Variants in TNFRSF10B observed in about 807,000 individuals in gnomAD.
TNFRSF10B encodes TNF receptor superfamily member 10b.
In TNFRSF10B, 35 loss-of-function variants were observed where a neutral mutation model predicts 41.4. That is an observed-to-expected ratio of 0.85 (90% CI 0.65 to 1.12). TNFRSF10B has a LOEUF of 1.12. Ranked by LOEUF, TNFRSF10B falls within the 50% of genes most tolerant of loss-of-function variation. The pLI is 0.00. For missense variants in TNFRSF10B, 584 were observed against 552.7 expected, an observed-to-expected ratio of 1.06 and a Z score of -0.57; for synonymous variants, 230 against 215.5, an observed-to-expected ratio of 1.07 and a Z score of -0.59.
intron 1 of TNFRSF10B, among the ~76,000 whole-genome samples, chr8:23,048,883 T>G (rs1812440314): frequency 6.6e-6 from 1 of 152,176 alleles, no homozygotes; most frequent in African/African-American, 2.4e-5. Context: ...ATTACAGGCA[T>G]GAGCCACTGT....
chr8:23,050,121 T>C (rs748887562), intron 1 of TNFRSF10B, among the ~76,000 whole-genome samples: 1 of 152,216 alleles, frequency 6.6e-6, no homozygotes, highest in African/African-American at 2.4e-5. Context: ...AGGAGCCTAT[T>C]GTTTTCCCAT....
At chr8:23,025,787 A>G (rs898903364) in intron 7 of TNFRSF10B, among the ~76,000 whole-genome samples, 29 of 152,210 alleles carry the variant, frequency 1.9e-4, no homozygotes, top group Admixed American at 5.2e-4. Context: ...CTTTCAAAAA[A>G]TGATCAGGCC....
intron 1 of TNFRSF10B, among the ~76,000 whole-genome samples, chr8:23,045,309 A>G (rs1264400768): frequency 1.3e-5 from 2 of 152,176 alleles, no homozygotes; most frequent in East Asian, 3.8e-4. Flanking sequence ...ATGAACAATT[A>G]TATGCCAAAG....
At chr8:23,039,714 A>C (rs1263558003) in intron 2 of TNFRSF10B, among the ~76,000 whole-genome samples, 7 of 152,186 alleles carry the variant, frequency 4.6e-5, no homozygotes, top group Non-Finnish European at 8.8e-5. Flanking sequence ...ACATGTCCTT[A>C]AGATCGACGT....
intron 1 of TNFRSF10B, among the ~76,000 whole-genome samples, chr8:23,046,703 C>T (rs962417012): frequency 2.0e-5 from 3 of 149,342 alleles, no homozygotes; most frequent in African/African-American, 7.3e-5. Flanking sequence ...TGATTTCAAA[C>T]TATACTACAA....
At chr8:23,036,322 C>G (rs958846545) in intron 2 of TNFRSF10B, among the ~76,000 whole-genome samples, 34 of 152,140 alleles carry the variant, frequency 2.2e-4, no homozygotes, top group African/African-American at 7.7e-4. Flanking sequence ...GCCCTGAAGG[C>G]ACAAGAAAGT....
At chr8:23,040,530 G>C (rs1812162900) in intron 2 of TNFRSF10B, among the ~76,000 whole-genome samples, 1 of 148,576 alleles carries the variant, frequency 6.7e-6, no homozygotes, top group South Asian at 2.1e-4. Flanking sequence ...GAAAAGAAGT[G>C]AGTGAAAATG....
intron 1 of TNFRSF10B, chr8:23,049,994 C>T (rs1186493141): frequency 1.3e-5 from 2 of 152,280 alleles, no homozygotes; most frequent in South Asian, 2.1e-4. Context: ...GAGGTTTCCC[C>T]AGGGGACCCT....
In TNFRSF10B at chr8:23,068,992, C is replaced by A. The variant is rs762642898; in HGVS notation, c.-98G>T. 7 of 1,582,782 alleles carry A rather than the reference C, an allele frequency of 4.4e-6. No homozygotes were observed. The highest frequency in any genetic ancestry group is 4.5e-5 in the East Asian group (2 of 44,430). On this transcript the variant is annotated 5_prime_UTR_variant, in exon 1 of 9. Transcript: ENST00000276431. The stretch of plus-strand genomic sequence containing the variant: ...GTGTATTTTGTGGGCGCAGAGATTG[C>A]GGGGTTCTCCGGCCGCGTGCTGATT...
At chr8:23,029,171 A>G (rs1231585401) in intron 4 of TNFRSF10B, among the ~76,000 whole-genome samples, 1 of 152,206 alleles carries the variant, frequency 6.6e-6, no homozygotes, top group African/African-American at 2.4e-5. Flanking sequence ...AGCTCCACCC[A>G]TGGCCTTATT....
Position 23,021,600 on chromosome 8 carries a change from G to C in TNFRSF10B, c.*1071C>G. 2.2e-6 allele frequency: 1 copy of C among 454,120 alleles called. No homozygotes were observed. The highest frequency in any genetic ancestry group is 4.4e-6 in the Non-Finnish European group (1 of 226,800). The allele number at this position is 454,120 out of a possible 1,614,324, so 28.1% of individuals were successfully genotyped here. A position where few individuals can be genotyped will look rare whatever the true frequency, so the allele number is the denominator to read the frequency against. ...CTGTCCCAGCCTGTCCATAGATGGG[G>C]GCTATGGGTGCAAATGAGACTGCCC... On this transcript the variant is annotated 3_prime_UTR_variant, in exon 9 of 9. Transcript: ENST00000276431.
rs1234494630 is a variant in TNFRSF10B, at chr8:23,028,254, G to A, written c.748+77C>T. 5.9e-5 allele frequency: 94 copies of A among 1,601,382 alleles called. 1 individual carries two copies. The highest frequency in any genetic ancestry group is 4.7e-4 in the South Asian group (42 of 90,002). ...ACTTAGACTTGGGGCAGGGGCAGGC[G>A]TTTCTGTCTGTGGGAATAGGGTGGG... is the stretch of plus-strand genomic sequence containing the variant. On this transcript the variant is annotated intron_variant, in intron 5 of 8. Transcript: ENST00000276431.
rs550188243 is a variant in TNFRSF10B at position 23,030,702 on chromosome 8, C to T, written c.364+57G>A. On this transcript the variant is annotated intron_variant, in intron 3 of 8. Coordinates refer to ENST00000276431, the MANE Select transcript of TNFRSF10B (RefSeq NM_003842.5). Reference sequence around the variant, plus strand: ...TCTCCTGATCCCATTTTAGCTACAACTTTTATGTCATCACCCCGCATTCCA... The same window carrying T: ...TCTCCTGATCCCATTTTAGCTACAATTTTTATGTCATCACCCCGCATTCCA... 4.3e-6 allele frequency: 6 copies of T among 1,385,482 alleles called. No homozygotes were observed. In the South Asian group the frequency reaches 7.3e-5, roughly 17 times the overall value. The allele number at this position is 1,385,482 out of a possible 1,614,324, so 85.8% of individuals were successfully genotyped here. A position where few individuals can be genotyped will look rare whatever the true frequency, so the allele number is the denominator to read the frequency against.
Position 23,043,134 on chromosome 8 carries a change from A to T in TNFRSF10B, c.250+4T>A. The T allele has an allele frequency of 2.5e-6, 4 of 1,613,740 alleles. No individual in the cohort carries two copies. The highest frequency in any genetic ancestry group is 3.4e-6 in the Non-Finnish European group (4 of 1,179,638). On this transcript the variant is annotated splice_donor_region_variant and intron_variant, in intron 2 of 8. Transcript: ENST00000276431. ...CAAGGATTAGAGACCCATCTTGAAC[A>T]TACCAGGTGGACACAATCCCTCTGA...
At chr8:23,059,903 G>T (rs560440331) in intron 1 of TNFRSF10B, among the ~76,000 whole-genome samples, 4 of 152,184 alleles carry the variant, frequency 2.6e-5, no homozygotes, top group Non-Finnish European at 5.9e-5. Flanking sequence ...AGTGATTAAA[G>T]TATCTTTTCA....
chr8:23,021,457 G>A lies in TNFRSF10B; in HGVS notation c.*1214C>T, dbSNP rs1405626820. 2.2e-6 allele frequency: 1 copy of A among 454,100 alleles called. No homozygotes were observed. The highest frequency in any genetic ancestry group is 2.3e-5 in the Admixed American group (1 of 42,578). The allele number at this position is 454,100 out of a possible 1,614,324, so 28.1% of individuals were successfully genotyped here. Reference sequence around the variant, plus strand: ...GCACCATCTACTCTTCCCCCTTGATGCCATGGCAGACGTGGGAGACAGATT... The same window carrying A: ...GCACCATCTACTCTTCCCCCTTGATACCATGGCAGACGTGGGAGACAGATT... On this transcript the variant is annotated 3_prime_UTR_variant, in exon 9 of 9. Coordinates refer to ENST00000276431, the MANE Select transcript of TNFRSF10B (RefSeq NM_003842.5).
chr8:23,048,454 A>C (rs965246740), intron 1 of TNFRSF10B, among the ~76,000 whole-genome samples: 6 of 151,486 alleles, frequency 4.0e-5, no homozygotes, highest in Non-Finnish European at 5.9e-5. Context: ...AAAAAAAAAA[A>C]AACAACTGAA....
intron 8 of TNFRSF10B, 52 bp downstream of exon 8, chr8:23,024,136 C>A: frequency 1.9e-6 from 3 of 1,607,286 alleles, no homozygotes; most frequent in Non-Finnish European, 2.6e-6. Flanking sequence ...CAGTTAGGAC[C>A]CTGTCCCTAT....
Position 23,051,878 on chromosome 8 carries a change from A to G in TNFRSF10B, c.145-8635T>C, listed in dbSNP as rs187338299. On this transcript the variant is annotated intron_variant, in intron 1 of 8. Coordinates refer to ENST00000276431, the MANE Select transcript of TNFRSF10B (RefSeq NM_003842.5). ...AACTTCTAATCTTCTGGCCTTAAGC[A>G]GTCTAGTCCACAGACATGAAGGAAG... Among the ~76,000 whole-genome samples, 285 of 152,284 alleles carry G rather than the reference A, an allele frequency of 1.9e-3. 4 individuals are homozygous for G. The South Asian group carries it at 0.024, about 13-fold the overall frequency.
Sources: gnomAD v4.1 joint callset for allele counts (sites outside exome capture counted in the v4.1 genomes callset) on GRCh38, gnomAD v4.1.1 for gene constraint, MANE v1.5 for transcripts, NCBI Gene and HGNC (gene_info 2026-07-23, HGNC 2026-07-21) for gene names.